Variants in ZNF749 observed in about 807,000 individuals in gnomAD.
ZNF749 encodes zinc finger protein 749.
ZNF749 carries 8 observed loss-of-function variants against 7.3 expected under a neutral mutation model. The observed-to-expected ratio is 1.10, with a 90% CI of 0.64 to 1.98. The LOEUF (loss-of-function observed/expected upper bound fraction) is 1.98. Among genes scored for constraint, ZNF749 ranks in the 30% most tolerant of loss-of-function variants. The probability of loss-of-function intolerance (pLI) is 0.00; values close to 1 mark genes in which losing one functional copy is unlikely to be tolerated. For synonymous variants in ZNF749, 310 were observed against 322.4 expected, an observed-to-expected ratio of 0.96 and a Z score of 0.41; for missense variants, 898 against 932.4, an observed-to-expected ratio of 0.96 and a Z score of 0.48.
chr19:57,446,038 T>C lies in ZNF749; in HGVS notation c.*553T>C, dbSNP rs1600108262. On this transcript the variant is annotated 3_prime_UTR_variant, in exon 3 of 3. Transcript: ENST00000334181. Reference sequence around the variant, plus strand: ...TAGTGTTAAGTCATTCGCATTGTTGTCAATTAATATCCAGAAGTTTTTTCA... The same window carrying C: ...TAGTGTTAAGTCATTCGCATTGTTGCCAATTAATATCCAGAAGTTTTTTCA... 6.6e-6 allele frequency among the ~76,000 whole-genome samples: 1 copy of C among 152,298 alleles called. No individual in the cohort carries two copies. The highest frequency in any genetic ancestry group is 2.1e-4 in the South Asian group (1 of 4,824).
chr19:57,441,960 C>T lies in ZNF749; in HGVS notation c.91C>T (p.His31Tyr). ...GGGGATCCTTAATGATGCTCAGAGA[C>T]ACCTGCACAGCAATGTGATGTTGGA... Reference protein sequence around the residue: ...EWGILNDAQRHLHSNVMLENF... With the variant: ...EWGILNDAQRYLHSNVMLENF... The change falls in exon 2 of 3, where the codon CAC (histidine) becomes TAC (tyrosine). Residue 31 changes from histidine to tyrosine, a missense_variant. Physicochemically the swap from His to Tyr is moderately conservative, Grantham distance 83. Coordinates refer to ENST00000334181, the MANE Select transcript of ZNF749 (RefSeq NM_001023561.4). 6.2e-7 allele frequency: 1 copy of T among 1,614,148 alleles called. No individual in the cohort carries two copies. The highest frequency in any genetic ancestry group is 1.3e-5 in the African/African-American group (1 of 75,042).
intron 1 of ZNF749, among the ~76,000 whole-genome samples, chr19:57,440,311 G>A (rs2088974756): frequency 6.6e-6 from 1 of 152,012 alleles, no homozygotes; most frequent in Admixed American, 6.6e-5. Context: ...TCTGGGCTTT[G>A]GATTAGGATT....
intron 1 of ZNF749, chr19:57,438,013 CAG>C: frequency 2.5e-6 from 1 of 398,380 alleles, no homozygotes; most frequent in Middle Eastern, 6.3e-4. Flanking sequence ...TACTTTGCTC[CAG>C]TACAGGGCAG....
In ZNF749 at chr19:57,435,708, G is replaced by A. The variant is rs75466183; in HGVS notation, c.15+115G>A. The A allele has an allele frequency of 9.0e-3, 13,374 of 1,487,624 alleles. 913 individuals carry two copies. The African/African-American group carries it at 0.16, about 17-fold the overall frequency. 92.2% of individuals were successfully genotyped at this position (1,487,624 alleles called of 1,614,324 possible). ...CTCTAAGAGAGGGGCGTTCTTGTGTGGGGTGCCCGGGACTGGGACTGCGGT... is the reference window on the plus strand; with the variant it reads ...CTCTAAGAGAGGGGCGTTCTTGTGTAGGGTGCCCGGGACTGGGACTGCGGT... On this transcript the variant is annotated intron_variant, in intron 1 of 2. Coordinates refer to ENST00000334181, the MANE Select transcript of ZNF749 (RefSeq NM_001023561.4).
chr19:57,443,003 A>G (rs1326177957), intron 2 of ZNF749, among the ~76,000 whole-genome samples: 1 of 152,150 alleles, frequency 6.6e-6, no homozygotes, highest in Non-Finnish European at 1.5e-5. Context: ...ATCTGGACAC[A>G]ACCGTCATGG....
rs1466827729 is a variant in ZNF749 at position 57,445,368 on chromosome 19, GC to G, written c.2221del (p.Arg741AlafsTer31). ...KDFNKCNTGQRQKTHTGERSY... is the reference protein window; with the variant it reads ...KDFNKCNTGQXQKTHTGERSY... ...ACTTCAACAAATGTAATACTGGTCA[GC>G]GCCAAAAAACTCACACTGGAGAAAG... is the stretch of plus-strand genomic sequence containing the variant. On this transcript the variant is annotated frameshift_variant, in exon 3 of 3. Transcript: ENST00000334181. LOFTEE classifies it low-confidence loss of function (END_TRUNC). The G allele has an allele frequency of 3.7e-6, 6 of 1,613,404 alleles. No homozygotes were observed. The African/African-American group carries it at 8.0e-5, about 22-fold the overall frequency.
At position 57,439,382 on chromosome 19, in the gene ZNF749, G is replaced by C. The variant is rs2088966130; in HGVS notation, c.16-2503G>C. On this transcript the variant is annotated intron_variant, in intron 1 of 2. Coordinates refer to ENST00000334181, the MANE Select transcript of ZNF749 (RefSeq NM_001023561.4). This position sits in a 1 kb window ranked among gnomAD's most constrained non-coding sequence, Gnocchi z 4.3. The stretch of plus-strand genomic sequence containing the variant: ...CCCACAGTTTTGGCCTTATTTGGAA[G>C]GATGGATGTCCCAGCAACTAAGATG... 6.6e-6 allele frequency among the ~76,000 whole-genome samples: 1 copy of C among 152,170 alleles called. No individual in the cohort carries two copies. The highest frequency in any genetic ancestry group is 2.4e-5 in the African/African-American group (1 of 41,442).
rs1204236808 is a variant in ZNF749 at position 57,442,456 on chromosome 19, G to T, written c.142+445G>T. On this transcript the variant is annotated intron_variant, in intron 2 of 2. Transcript: ENST00000334181. The surrounding 1 kb of genome is among the most constrained non-coding windows in gnomAD (Gnocchi z 6.6). Reference sequence around the variant, plus strand: ...GTTATTTCTGCAGGACGCTCTACTGGGTGTTCTGGTAGCTTTAGAATGCAG... The same window carrying T: ...GTTATTTCTGCAGGACGCTCTACTGTGTGTTCTGGTAGCTTTAGAATGCAG... Among the ~76,000 whole-genome samples, 1 of 152,132 alleles carries T rather than the reference G, an allele frequency of 6.6e-6. No homozygotes were observed. The highest frequency in any genetic ancestry group is 1.5e-5 in the Non-Finnish European group (1 of 68,028).
At chr19:57,429,950 A>G in the ZNF749 span, among the ~76,000 whole-genome samples, 1 of 152,306 alleles carries the variant, frequency 6.6e-6, no homozygotes, top group African/African-American at 2.4e-5. This position sits in a 1 kb window ranked among gnomAD's most constrained non-coding sequence, Gnocchi z 4.2. Flanking sequence ...CATTTGAGGT[A>G]TGGCTTTTAG....
chr19:57,444,836 A>G lies in ZNF749; in HGVS notation c.1688A>G (p.Lys563Arg). 3.7e-6 allele frequency: 6 copies of G among 1,614,142 alleles called. No individual in the cohort carries two copies. The highest frequency in any genetic ancestry group is 5.1e-6 in the Non-Finnish European group (6 of 1,179,982). The change falls in exon 3 of 3, where the codon AAG (lysine) becomes AGG (arginine). Residue 563 changes from lysine (K) to arginine (R), a missense_variant. Coordinates refer to ENST00000334181, the MANE Select transcript of ZNF749 (RefSeq NM_001023561.4). ...CCTTATGTGTGTAGTGAATGTGGGA[A>G]GGCCTTCCTTACACAGGCTCATCTA... ...PRPYVCSECG[K>R]AFLTQAHLDG... is the part of the protein sequence containing the mutation.
rs182109942 is a variant in ZNF749 at position 57,445,018 on chromosome 19, C to T, written c.1870C>T (p.Arg624Cys). The change falls in exon 3 of 3, where the codon CGC (arginine) becomes TGC (cysteine). Residue 624 changes from arginine to cysteine, a missense_variant. Transcript: ENST00000334181. ...CAAATGTGGGAAATTCTTTAGATAT[C>T]GCTGTACACTGAGTAGACATCAGAA... Reference protein sequence around the residue: ...CSKCGKFFRYRCTLSRHQKVH... With the variant: ...CSKCGKFFRYCCTLSRHQKVH... 139 of 1,613,966 alleles carry T rather than the reference C, an allele frequency of 8.6e-5. No homozygotes were observed. Among genetic ancestry groups the T allele is most frequent in the Middle Eastern group, 1.7e-4 (1 of 6,060 alleles).
chr19:57,440,854 G>A (rs946894418), intron 1 of ZNF749, among the ~76,000 whole-genome samples: 3 of 151,940 alleles, frequency 2.0e-5, no homozygotes, highest in African/African-American at 4.8e-5. Flanking sequence ...CCGGCCGGGC[G>A]CAGTGGCTCA....
In ZNF749 at chr19:57,444,351, G is replaced by A. The variant is rs2240037; in HGVS notation, c.1203G>A (p.Gln401=). 41,306 of 1,614,170 alleles carry A rather than the reference G, an allele frequency of 0.026. 753 individuals are homozygous for A. The highest frequency in any genetic ancestry group is 0.078 in the African/African-American group (5,838 of 75,032). ...ACCGCTCCACACTCAATATGCACCA[G>A]AGAGTTCATGCTGGCAAAAGGCTTT... The part of the protein sequence containing the change: ...FSHRSTLNMH[Q]RVHAGKRLYK... The change falls in exon 3 of 3, where the codon CAG becomes CAA. Residue 401 remains glutamine (Q), a synonymous_variant. Coordinates refer to ENST00000334181, the MANE Select transcript of ZNF749 (RefSeq NM_001023561.4).
At position 57,443,327 on chromosome 19, in the gene ZNF749, C is replaced by T; in HGVS notation, c.179C>T (p.Ser60Phe). Residue 60 changes from serine to phenylalanine, a missense_variant, in exon 3 of 3, where the codon TCC (serine) becomes TTC (phenylalanine). Transcript: ENST00000334181. Reference sequence around the variant, plus strand: ...GGAGCCAAGGATGAGGAGGTACCTTCCAAGCAGTGTGTTTCTGTAAGAGTG... The same window carrying T: ...GGAGCCAAGGATGAGGAGGTACCTTTCAAGCAGTGTGTTTCTGTAAGAGTG... The part of the protein sequence containing the change: ...WHGAKDEEVP[S>F]KQCVSVRVLQ... 1.9e-6 allele frequency: 3 copies of T among 1,612,580 alleles called. No homozygotes were observed. Among genetic ancestry groups the T allele is most frequent in the Non-Finnish European group, 2.5e-6 (3 of 1,179,048 alleles).
At chr19:57,430,257 C>G in the ZNF749 span, among the ~76,000 whole-genome samples, 23 of 152,126 alleles carry the variant, frequency 1.5e-4, no homozygotes, top group African/African-American at 5.1e-4. Flanking sequence ...AGGGCCTTCT[C>G]GCTGCATCAT....
At chr19:57,443,140 A>C in intron 2 of ZNF749, 151 bp from the exon 3 acceptor site, 1 of 667,942 alleles carries the variant, frequency 1.5e-6, no homozygotes, top group Non-Finnish European at 2.6e-6. Context: ...CCCACCTCTG[A>C]ACACTGGGCC....
In ZNF749 at chr19:57,443,344, G is replaced by A. The variant is rs1358790344; in HGVS notation, c.196G>A (p.Val66Ile). 14 of 1,614,010 alleles carry A rather than the reference G, an allele frequency of 8.7e-6. No homozygotes were observed. Among genetic ancestry groups the A allele is most frequent in the Non-Finnish European group, 1.2e-5 (14 of 1,179,894 alleles). Residue 66 changes from valine (V) to isoleucine (I), a missense_variant, in exon 3 of 3, where the codon GTA becomes ATA. By Grantham distance (29) the Val-to-Ile change is conservative. Transcript: ENST00000334181. ...EEVPSKQCVS[V>I]RVLQVTIPKP... The stretch of plus-strand genomic sequence containing the variant: ...GGTACCTTCCAAGCAGTGTGTTTCT[G>A]TAAGAGTGTTACAGGTCACAATTCC...
At position 57,446,508 on chromosome 19, in the gene ZNF749, C is replaced by T. The variant is rs956902292; in HGVS notation, c.*1023C>T. Among the ~76,000 whole-genome samples the T allele has an allele frequency of 1.3e-5, 2 of 152,182 alleles. No homozygotes were observed. The highest frequency in any genetic ancestry group is 4.8e-5 in the African/African-American group (2 of 41,444). On this transcript the variant is annotated 3_prime_UTR_variant, in exon 3 of 3. Transcript: ENST00000334181. The stretch of plus-strand genomic sequence containing the variant: ...ACTATAAATATCTCATATGAGGAAA[C>T]TTAAGTTTTAGTCTTTTGTGACTTA...
intron 1 of ZNF749, among the ~76,000 whole-genome samples, chr19:57,440,378 G>A (rs1362924219): frequency 5.3e-5 from 8 of 151,748 alleles, no homozygotes; most frequent in Admixed American, 3.9e-4. Context: ...TGCAAAAGGG[G>A]GAGACAGCCA....
Sources: gnomAD v4.1 joint callset for allele counts (sites outside exome capture counted in the v4.1 genomes callset) on GRCh38, gnomAD v4.1.1 for gene constraint, Gnocchi (gnomAD v3.1) non-coding constraint, MANE v1.5 for transcripts, NCBI Gene and HGNC (gene_info 2026-07-23, HGNC 2026-07-21) for gene names.